Variants in CPS1 observed in about 807,000 individuals in gnomAD.
CPS1 encodes the protein carbamoyl-phosphate synthase 1.
CPS1 carries 109 observed loss-of-function variants against 174.6 expected under a neutral mutation model. The ratio of observed to expected loss-of-function variants is 0.62; its 90% CI spans 0.53 to 0.73. CPS1 has a LOEUF of 0.73. Among genes scored for constraint, CPS1 ranks in the 30% least tolerant of loss-of-function variants. The pLI is 0.00. For missense variants in CPS1, 1,689 were observed against 1,821.9 expected, an observed-to-expected ratio of 0.93 and a Z score of 1.33; for synonymous variants, 637 against 632.0, an observed-to-expected ratio of 1.01 and a Z score of -0.12.
chr2:210,667,634 G>A (rs1388909174), intron 33 of CPS1, among the ~76,000 whole-genome samples: 1 of 152,088 alleles, frequency 6.6e-6, no homozygotes, highest in Non-Finnish European at 1.5e-5. Context: ...TAAAAAACAG[G>A]TTCCTTTGAG....
chr2:210,577,570 A>G (rs899304335), intron 4 of CPS1, 60 bp downstream of exon 4: 2 of 1,224,472 alleles, frequency 1.6e-6, no homozygotes, highest in Non-Finnish European at 2.4e-6. Context: ...GTGCCTGTAG[A>G]TTCAGAAGTG....
intron 1 of CPS1, among the ~76,000 whole-genome samples, chr2:210,563,225 T>G (rs1467464889): frequency 6.6e-6 from 1 of 152,144 alleles, no homozygotes; most frequent in East Asian, 1.9e-4. Flanking sequence ...ATTTTATTGC[T>G]TACTCAAGGG....
At chr2:210,589,651 G>GTTTATT (rs1211787527) in intron 7 of CPS1, among the ~76,000 whole-genome samples, 1 of 151,760 alleles carries the variant, frequency 6.6e-6, no homozygotes, top group East Asian at 2.0e-4. Flanking sequence ...TTTTAATGGT[G>GTTTATT]TTTATTTTTA....
chr2:210,496,943 AG>A (rs1695006066), intron 1 of CPS1, among the ~76,000 whole-genome samples: 1 of 152,208 alleles, frequency 6.6e-6, no homozygotes, highest in African/African-American at 2.4e-5. Flanking sequence ...TTTCTGTCAA[AG>A]AAAAATAATT....
chr2:210,528,469 T>C (rs1470659995), intron 1 of CPS1, among the ~76,000 whole-genome samples: 1 of 151,992 alleles, frequency 6.6e-6, no homozygotes, highest in African/African-American at 2.4e-5. Flanking sequence ...CTTATTTCTT[T>C]TTGTATTGGT....
In CPS1 at chr2:210,497,893, CATAT is replaced by C. The variant is rs59178446; in HGVS notation, c.3+20150_3+20153del. 7.4e-3 allele frequency among the ~76,000 whole-genome samples: 646 copies of C among 86,942 alleles called. 25 individuals carry two copies. The highest frequency in any genetic ancestry group is 0.025 in the African/African-American group (590 of 23,748). 57.0% of individuals were successfully genotyped at this position (86,942 alleles called of 152,430 possible). On this transcript the variant is annotated intron_variant, in intron 1 of 38. Transcript: ENST00000430249. ...TTTTTGGTAGAACAATATATACATA[CATAT>C]ATATATATATATATATATATATCTC...
At chr2:210,533,180 G>A (rs967360554) in intron 1 of CPS1, among the ~76,000 whole-genome samples, 13 of 152,192 alleles carry the variant, frequency 8.5e-5, no homozygotes, top group African/African-American at 9.6e-5. Flanking sequence ...TGGATGAGTC[G>A]TCTGGACTCA....
upstream of CPS1, among the ~76,000 whole-genome samples, chr2:210,554,160 CAT>C (rs1345765255): frequency 2.8e-3 from 333 of 118,478 alleles, 11 homozygotes; most frequent in Admixed American, 8.3e-3. Context: ...TATACACACA[CAT>C]ATACATATGT....
intron 25 of CPS1, among the ~76,000 whole-genome samples, chr2:210,645,332 A>C (rs1700346840): frequency 6.7e-6 from 1 of 150,180 alleles, no homozygotes; most frequent in Admixed American, 6.6e-5. Flanking sequence ...CTACTTTCCA[A>C]AAAAAAAAAG....
In CPS1 at chr2:210,577,488, G is replaced by A. The variant is rs114819130; in HGVS notation, c.449G>A (p.Gly150Glu). The A allele has an allele frequency of 0.01, 16,761 of 1,613,504 alleles. 118 individuals are homozygous for A. Among genetic ancestry groups the A allele is most frequent in the Non-Finnish European group, 0.012 (14,704 of 1,179,566 alleles). ...CACTGGCTGGCTACCAAGAGTTTAG[G>A]GCAATGGCTACAGGAAGAAAAGGTA... ...YNHWLATKSL[G>E]QWLQEEKVPA... Residue 150 changes from glycine to glutamate, a missense_variant, in exon 4 of 38, where the codon GGG becomes GAG. Physicochemically the swap from Gly to Glu is moderately conservative, Grantham distance 98. Transcript: ENST00000233072.
At chr2:210,664,128 T>A (rs1382124735) in intron 33 of CPS1, among the ~76,000 whole-genome samples, 3 of 152,116 alleles carry the variant, frequency 2.0e-5, no homozygotes, top group Non-Finnish European at 4.4e-5. Flanking sequence ...ACTCTTTGCC[T>A]CTTTGTTGCT....
At chr2:210,634,677 T>C (rs1699986047) in intron 21 of CPS1, among the ~76,000 whole-genome samples, 1 of 152,176 alleles carries the variant, frequency 6.6e-6, no homozygotes, top group Admixed American at 6.5e-5. Flanking sequence ...TCATTGGCTA[T>C]TTGTGCTTCC....
At chr2:210,532,735 A>G (rs1171943403) in intron 1 of CPS1, among the ~76,000 whole-genome samples, 1 of 152,180 alleles carries the variant, frequency 6.6e-6, no homozygotes, top group Non-Finnish European at 1.5e-5. Flanking sequence ...ATATGTGTTT[A>G]CCAGTGAGTT....
chr2:210,628,823 T>G (rs2105884253), intron 21 of CPS1, among the ~76,000 whole-genome samples: 1 of 152,160 alleles, frequency 6.6e-6, no homozygotes, highest in African/African-American at 2.4e-5. Context: ...GTTATTTATT[T>G]TAACAAGGCT....
intron 1 of CPS1, among the ~76,000 whole-genome samples, chr2:210,505,075 G>T (rs547935295): frequency 2.0e-5 from 3 of 152,106 alleles, no homozygotes; most frequent in Admixed American, 6.5e-5. Context: ...CTCTGCCTAA[G>T]AGTGTGTTTT....
chr2:210,531,107 C>T lies in CPS1; in HGVS notation c.4-25612C>T, dbSNP rs185733861. Among the ~76,000 whole-genome samples, 51 of 152,136 alleles carry T rather than the reference C, an allele frequency of 3.4e-4. No homozygotes were observed. In the East Asian group the frequency reaches 8.7e-3, roughly 26 times the overall value. The stretch of plus-strand genomic sequence containing the variant: ...TACAAAGTTTGAAAACTCTCCAGGA[C>T]GTGACTTAACATTTCTGATCTCTAA... On this transcript the variant is annotated intron_variant, in intron 1 of 38. Coordinates refer to the CPS1 transcript ENST00000430249.
At chr2:210,598,660 C>G (rs927464814) in intron 13 of CPS1, among the ~76,000 whole-genome samples, 6 of 151,896 alleles carry the variant, frequency 4.0e-5, no homozygotes, top group Non-Finnish European at 2.9e-5. Flanking sequence ...AGAAGAAGAT[C>G]TAACTATCCT....
At chr2:210,536,461 C>T (rs988834026) in intron 1 of CPS1, among the ~76,000 whole-genome samples, 2 of 151,906 alleles carry the variant, frequency 1.3e-5, no homozygotes, top group South Asian at 2.1e-4. Flanking sequence ...GCTGGGACTA[C>T]AGGCGCCCGC....
chr2:210,673,660 A>G (rs1184446943), intron 34 of CPS1: 1 of 152,180 alleles, frequency 6.6e-6, no homozygotes, highest in Non-Finnish European at 1.5e-5. Flanking sequence ...GGGGGGCTGA[A>G]AAAACAATTA....
Sources: allele counts gnomAD v4.1 joint callset (sites outside exome capture counted in the v4.1 genomes callset), GRCh38; gene constraint gnomAD v4.1.1; transcripts MANE v1.5; gene names NCBI Gene and HGNC (gene_info 2026-07-23, HGNC 2026-07-21).